Variants in NLRP5 observed in about 807,000 individuals in gnomAD.
NLRP5 encodes NACHT, LRR and PYD domains-containing protein 5.
NLRP5 carries 93 observed loss-of-function variants against 113.1 expected under a neutral mutation model. The ratio of observed to expected loss-of-function variants is 0.82; its 90% CI spans 0.70 to 0.98. The LOEUF is 0.98. Among genes scored for constraint, NLRP5 ranks in the 50% least tolerant of loss-of-function variants. NLRP5 has a pLI of 0.00. For missense variants in NLRP5, 1,808 were observed against 1,514.3 expected (o/e 1.19, Z -3.22); for synonymous variants, 751 against 600.7 (o/e 1.25, Z -3.66).
At chr19:56,025,149 C>A (rs1022829148) in intron 6 of NLRP5, among the ~76,000 whole-genome samples, 15 of 152,124 alleles carry the variant, frequency 9.9e-5, no homozygotes, top group African/African-American at 3.6e-4. Context: ...CCCACTGATC[C>A]TACATTATGG....
chr19:56,029,012 G>A (rs750248999), intron 7 of NLRP5, among the ~76,000 whole-genome samples: 6 of 152,150 alleles, frequency 3.9e-5, no homozygotes, highest in African/African-American at 1.4e-4. Flanking sequence ...TGATCCACCC[G>A]CCTCAGCCTC....
intron 7 of NLRP5, among the ~76,000 whole-genome samples, chr19:56,029,240 C>T (rs894469294): frequency 1.3e-5 from 2 of 152,074 alleles, no homozygotes; most frequent in African/African-American, 4.8e-5. Context: ...GGAGGTGAAA[C>T]TCATCTCACT....
At chr19:56,001,950 C>T (rs13344775) in intron 1 of NLRP5, among the ~76,000 whole-genome samples, 2,870 of 152,212 alleles carry the variant, frequency 0.019, 61 homozygotes, top group East Asian at 0.065. Flanking sequence ...CTGGCTGTCA[C>T]TATTTATAGG....
At chr19:56,023,805 G>A (rs754414557) in intron 6 of NLRP5, among the ~76,000 whole-genome samples, 3 of 152,170 alleles carry the variant, frequency 2.0e-5, no homozygotes, top group Non-Finnish European at 4.4e-5. Flanking sequence ...CTGATTCAGA[G>A]GATACAACTA....
rs1158090988 is a variant in NLRP5, at chr19:56,004,270, C to A, written c.442+175C>A. Among the ~76,000 whole-genome samples the A allele has an allele frequency of 5.9e-5, 9 of 151,858 alleles. No individual in the cohort carries two copies. The South Asian group carries it at 1.7e-3, about 28-fold the overall frequency. ...GGTTGGAAATTAGTGTAGTCTCTAG[C>A]CTGTAAAATAATGGAGGAGGGAGAA... On this transcript the variant is annotated intron_variant, in intron 2 of 14. Transcript: ENST00000390649.
At chr19:56,053,160 C>T (rs563164156) in intron 12 of NLRP5, among the ~76,000 whole-genome samples, 1 of 152,192 alleles carries the variant, frequency 6.6e-6, no homozygotes, top group East Asian at 1.9e-4. Flanking sequence ...CTTTGAGAGG[C>T]CGAGGCAGGC....
intron 6 of NLRP5, among the ~76,000 whole-genome samples, chr19:56,026,188 C>A (rs1002467427): frequency 6.6e-6 from 1 of 152,086 alleles, no homozygotes; most frequent in Non-Finnish European, 1.5e-5. Context: ...TCAGGCCCCA[C>A]TGATGCTCGG....
intron 5 of NLRP5, 82 bp downstream of exon 5, chr19:56,019,480 G>T: frequency 6.9e-7 from 1 of 1,446,692 alleles, no homozygotes; most frequent in Admixed American, 1.8e-5. Context: ...AGATTTCAAG[G>T]GTATGTAGTT....
In NLRP5 at chr19:56,054,558, A is replaced by G. The variant is rs200225410; in HGVS notation, c.3299+750A>G. Among the ~76,000 whole-genome samples the G allele has an allele frequency of 6.9e-3, 307 of 44,578 alleles. 12 individuals are homozygous for G. In the East Asian group the frequency reaches 0.1, roughly 14 times the overall value. The allele number at this position is 44,578 out of a possible 152,430, so 29.2% of individuals were successfully genotyped here. On this transcript the variant is annotated intron_variant, in intron 13 of 14. Coordinates refer to ENST00000390649, the MANE Select transcript of NLRP5 (RefSeq NM_153447.4). Reference sequence around the variant, plus strand: ...GGGTGACAGAGTGAGACTCCATCTCAAAAAAAGTGAAAAAAAAAAAAAAAA... The same window carrying G: ...GGGTGACAGAGTGAGACTCCATCTCGAAAAAAGTGAAAAAAAAAAAAAAAA...
the NLRP5 span, among the ~76,000 whole-genome samples, chr19:55,991,763 C>T: frequency 6.6e-6 from 1 of 152,144 alleles, no homozygotes. Flanking sequence ...TATCTGATTG[C>T]TTTCCTATCA....
intron 5 of NLRP5, among the ~76,000 whole-genome samples, chr19:56,019,865 CTCGCTGTGTCGCCCAAGCTGTA>C (rs1982547785): frequency 6.8e-6 from 1 of 147,400 alleles, no homozygotes; most frequent in African/African-American, 2.6e-5. Context: ...GAGAAGGAGT[CTCGCTGTGTCGCCCAAGCTGTA>C]GTGCAGTGGC....
intron 7 of NLRP5, among the ~76,000 whole-genome samples, chr19:56,030,702 CGCT>C (rs1733993836): frequency 3.6e-5 from 3 of 83,912 alleles, no homozygotes; most frequent in Non-Finnish European, 6.9e-5. Flanking sequence ...TACATTCATT[CGCT>C]TTCTTCTTCT....
At chr19:56,000,297 A>G (rs1369266126) in intron 1 of NLRP5, among the ~76,000 whole-genome samples, 2 of 152,086 alleles carry the variant, frequency 1.3e-5, no homozygotes, top group Admixed American at 6.6e-5. Context: ...TGTATAGAGG[A>G]TATTCATGAT....
Position 56,006,514 on chromosome 19 carries a change from T to C in NLRP5, c.443-2274T>C, listed in dbSNP as rs748002369. Among the ~76,000 whole-genome samples, 75 of 151,732 alleles carry C rather than the reference T, an allele frequency of 4.9e-4. 1 individual carries two copies. Among genetic ancestry groups the C allele is most frequent in the Admixed American group, 1.5e-3 (23 of 15,230 alleles). On this transcript the variant is annotated intron_variant, in intron 2 of 14. Transcript: ENST00000390649. ...TGGGAGGCCAAGGTGGGTGGATCAT[T>C]TGAGGTCAGGAGTTTGAGACCAGCC...
intron 13 of NLRP5, among the ~76,000 whole-genome samples, chr19:56,055,868 G>A (rs1984132310): frequency 6.6e-6 from 1 of 152,060 alleles, no homozygotes; most frequent in African/African-American, 2.4e-5. Context: ...TCTAAATGCA[G>A]TGTCTCCCTT....
At chr19:56,040,874 T>A in intron 10 of NLRP5, 48 bp from the exon 11 acceptor site, 1 of 1,530,784 alleles carries the variant, frequency 6.5e-7, no homozygotes, top group Non-Finnish European at 9.0e-7. Context: ...AAGATGGAAC[T>A]TTAAGAAGGC....
intron 11 of NLRP5, among the ~76,000 whole-genome samples, chr19:56,048,004 C>G (rs143014272): frequency 4.6e-5 from 7 of 152,258 alleles, no homozygotes; most frequent in Non-Finnish European, 7.4e-5. Context: ...ACTGCTGTTG[C>G]TTTAACGTTT....
chr19:56,033,727 C>A lies in NLRP5; in HGVS notation c.2615+18C>A, dbSNP rs558257516. The A allele has an allele frequency of 6.3e-7, 1 of 1,577,308 alleles. No individual in the cohort carries two copies. Among genetic ancestry groups the A allele is most frequent in the Non-Finnish European group, 8.6e-7 (1 of 1,162,500 alleles). ...TCTTTGAGGTACGTCTCTGGTAGAG[C>A]TTTTGCCTTGTTTTTCTTCGTTTTT... On this transcript the variant is annotated intron_variant, in intron 9 of 14. Transcript: ENST00000390649.
Position 56,027,020 on chromosome 19 carries a change from A to G in NLRP5, c.787A>G (p.Met263Val). Reference sequence around the variant, plus strand: ...AAACACTGCTGCTGACTGGCCGGAAATGCAAACGTTGGCTGGTGCTTTTGA... The same window carrying G: ...AAACACTGCTGCTGACTGGCCGGAAGTGCAAACGTTGGCTGGTGCTTTTGA... Residue 263 changes from methionine (M) to valine (V), a missense_variant, in exon 7 of 15, where the codon ATG (methionine) becomes GTG (valine). By Grantham distance (21) the Met-to-Val change is conservative. Coordinates refer to ENST00000390649, the MANE Select transcript of NLRP5 (RefSeq NM_153447.4). 1 of 1,552,180 alleles carries G rather than the reference A, an allele frequency of 6.4e-7. No individual in the cohort carries two copies. The highest frequency in any genetic ancestry group is 2.0e-5 in the Admixed American group (1 of 51,008).
Sources: gnomAD v4.1 joint callset for allele counts (sites outside exome capture counted in the v4.1 genomes callset) on GRCh38, gnomAD v4.1.1 for gene constraint, MANE v1.5 for transcripts, NCBI Gene and HGNC (gene_info 2026-07-23, HGNC 2026-07-21) for gene names.